Variants in SNX8 observed in about 807,000 individuals in gnomAD.
SNX8 encodes sorting nexin-8.
In SNX8, 25 loss-of-function variants were observed where a neutral mutation model predicts 51.6. The observed-to-expected ratio is 0.48, with a 90% CI of 0.35 to 0.68. The LOEUF is 0.68. SNX8 is among the 30% of genes least tolerant of loss of function. SNX8 has a pLI of 0.00. For synonymous variants in SNX8, 324 were observed against 277.0 expected (o/e 1.17, Z -1.68); for missense variants, 695 against 624.0 (o/e 1.11, Z -1.21).
chr7:2,293,049 G>A (rs1037674329), intron 1 of SNX8, among the ~76,000 whole-genome samples: 1 of 151,172 alleles, frequency 6.6e-6, no homozygotes, highest in Non-Finnish European at 1.5e-5. Flanking sequence ...CATAACAAAA[G>A]AGATAAACTG....
rs112355735 is a variant in SNX8, at chr7:2,350,344, C to T, written c.-66+3878G>A. Among the ~76,000 whole-genome samples, 1,297 of 152,286 alleles carry T rather than the reference C, an allele frequency of 8.5e-3. 16 individuals carry two copies. Among genetic ancestry groups the T allele is most frequent in the African/African-American group, 0.026 (1,078 of 41,562 alleles). ...TCTCTCCCCAGCCAGGTCAGGCTTC[C>T]CCAAGGGGCCGTGTGGCGGAACATT... On this transcript the variant is annotated intron_variant, in intron 1 of 5. Coordinates refer to the SNX8 transcript ENST00000435336.
At chr7:2,308,961 TG>T (rs1378576368) in intron 1 of SNX8, among the ~76,000 whole-genome samples, 3 of 151,988 alleles carry the variant, frequency 2.0e-5, no homozygotes, top group African/African-American at 4.8e-5. Context: ...AGCTAATTAT[TG>T]GATTTTTGTA....
chr7:2,264,559 G>T (rs556609748), intron 5 of SNX8, 101 bp from the exon 6 acceptor site: 2 of 1,157,660 alleles, frequency 1.7e-6, no homozygotes, highest in Non-Finnish European at 2.4e-6. Context: ...GGGAGACACA[G>T]CAGGTCCATG....
chr7:2,314,588 C>A, upstream of SNX8: 1 of 612,458 alleles, frequency 1.6e-6, no homozygotes, highest in South Asian at 7.2e-5. Flanking sequence ...CCGGCCTCGC[C>A]ACGCCTACAA....
chr7:2,310,770 CA>C (rs1796643525), intron 1 of SNX8, among the ~76,000 whole-genome samples: 1 of 151,462 alleles, frequency 6.6e-6, no homozygotes, highest in African/African-American at 2.4e-5. Context: ...AACTACGTCT[CA>C]AAAAAATAAA....
chr7:2,343,084 C>T (rs374814518), intron 1 of SNX8, among the ~76,000 whole-genome samples: 1 of 151,932 alleles, frequency 6.6e-6, no homozygotes, highest in South Asian at 2.1e-4. Context: ...TGTGAGCCAC[C>T]ACGCCTGGCC....
At chr7:2,344,812 C>A (rs1302349278) in intron 1 of SNX8, among the ~76,000 whole-genome samples, 1 of 152,088 alleles carries the variant, frequency 6.6e-6, no homozygotes, top group South Asian at 2.1e-4. Context: ...GTAATCCCAG[C>A]ACTTTGGGAG....
chr7:2,279,420 C>G (rs1343086484), intron 1 of SNX8, among the ~76,000 whole-genome samples: 1 of 152,164 alleles, frequency 6.6e-6, no homozygotes, highest in Non-Finnish European at 1.5e-5. Flanking sequence ...CTCACTCATG[C>G]TACAGAGTCG....
At chr7:2,319,629 C>A (rs1037284446) in intron 1 of SNX8, among the ~76,000 whole-genome samples, 4 of 152,102 alleles carry the variant, frequency 2.6e-5, no homozygotes, top group Non-Finnish European at 5.9e-5. Context: ...TCCTGGCTAA[C>A]ACGGTGAAAC....
At chr7:2,352,878 G>T (rs1420728247) in intron 1 of SNX8, among the ~76,000 whole-genome samples, 1 of 152,028 alleles carries the variant, frequency 6.6e-6, no homozygotes, top group African/African-American at 2.4e-5. Flanking sequence ...GTACAGATGC[G>T]GAAACTGAGG....
At chr7:2,347,759 T>C (rs1779060065) in intron 1 of SNX8, among the ~76,000 whole-genome samples, 1 of 151,746 alleles carries the variant, frequency 6.6e-6, no homozygotes, top group African/African-American at 2.4e-5. Context: ...AATTCTCCTG[T>C]GTCAGCCTCC....
chr7:2,351,485 G>C (rs1003916239), intron 1 of SNX8, among the ~76,000 whole-genome samples: 1 of 151,910 alleles, frequency 6.6e-6, no homozygotes, highest in African/African-American at 2.4e-5. Flanking sequence ...GCTACAGTGA[G>C]GTGCGACGGC....
chr7:2,268,511 C>T (rs1230934533), intron 5 of SNX8, among the ~76,000 whole-genome samples: 2 of 144,772 alleles, frequency 1.4e-5, no homozygotes, highest in Admixed American at 6.7e-5. Flanking sequence ...GGGGGTCAGC[C>T]CCCCCGCCCG....
intron 2 of SNX8, among the ~76,000 whole-genome samples, chr7:2,277,804 A>C (rs552435195): frequency 2.3e-5 from 3 of 133,010 alleles, no homozygotes; most frequent in Non-Finnish European, 5.2e-5. Flanking sequence ...AAGACTCCAC[A>C]TCGGGGAAAA....
At position 2,343,591 on chromosome 7, in the gene SNX8, C is replaced by T. The variant is rs529744431; in HGVS notation, c.-66+10631G>A. Among the ~76,000 whole-genome samples the T allele has an allele frequency of 7.9e-5, 12 of 152,108 alleles. No homozygotes were observed. In the South Asian group the frequency reaches 1.0e-3, roughly 13 times the overall value. Reference sequence around the variant, plus strand: ...TGGGGAGGCTGAGGCAGGAGAATGGCGTAAACCCGGGAGGCGGAGCTTGCA... The same window carrying T: ...TGGGGAGGCTGAGGCAGGAGAATGGTGTAAACCCGGGAGGCGGAGCTTGCA... On this transcript the variant is annotated intron_variant, in intron 1 of 5. Coordinates refer to the SNX8 transcript ENST00000435336.
At chr7:2,349,052 A>G (rs1387115849) in intron 1 of SNX8, among the ~76,000 whole-genome samples, 1 of 150,430 alleles carries the variant, frequency 6.6e-6, no homozygotes, top group African/African-American at 2.5e-5. Flanking sequence ...AAAAAATTGT[A>G]AAAAAGCCTG....
At chr7:2,314,171 AG>A (rs1440830689) in intron 1 of SNX8, among the ~76,000 whole-genome samples, 156 bp downstream of exon 1, 1 of 152,018 alleles carries the variant, frequency 6.6e-6, no homozygotes, top group Non-Finnish European at 1.5e-5. Flanking sequence ...GCAGGAGGGC[AG>A]GGGGACCTCC....
chr7:2,316,329 CCACT>C (rs1234430403), upstream of SNX8, among the ~76,000 whole-genome samples: 4 of 138,362 alleles, frequency 2.9e-5, no homozygotes, highest in East Asian at 2.3e-4. Context: ...ATTCACCCAC[CCACT>C]CACTGCATCC....
intron 1 of SNX8, among the ~76,000 whole-genome samples, chr7:2,348,714 A>T (rs1779080943): frequency 6.6e-6 from 1 of 151,252 alleles, no homozygotes; most frequent in Non-Finnish European, 1.5e-5. Context: ...GCACTCTGAG[A>T]GGCGGGCGGA....
Sources: allele counts gnomAD v4.1 joint callset (sites outside exome capture counted in the v4.1 genomes callset), GRCh38; gene constraint gnomAD v4.1.1; transcripts MANE v1.5; gene names NCBI Gene and HGNC (gene_info 2026-07-23, HGNC 2026-07-21).